The following CRTAC1 variants were observed in gnomAD, a reference collection of about 807,000 sequenced individuals.
CRTAC1 encodes cartilage acidic protein 1.
In CRTAC1, 37 loss-of-function variants were observed where a neutral mutation model predicts 67.8. The ratio of observed to expected loss-of-function variants is 0.55; its 90% confidence interval spans 0.42 to 0.72. The LOEUF is 0.72. Ranked by LOEUF, CRTAC1 falls within the 30% of genes least tolerant of loss-of-function variation. CRTAC1 has a pLI of 0.00. For missense variants in CRTAC1, 780 were observed against 931.6 expected (o/e 0.84, Z 2.12); for synonymous variants, 348 against 371.0 (o/e 0.94, Z 0.71).
intron 8 of CRTAC1, among the ~76,000 whole-genome samples, chr10:97,900,320 G>A (rs1467699975): frequency 6.6e-6 from 1 of 152,240 alleles, no homozygotes; most frequent in South Asian, 2.1e-4. Context: ...ATCTGTGGAA[G>A]AAGTGCCCTG....
intron 4 of CRTAC1, among the ~76,000 whole-genome samples, chr10:97,919,159 T>C (rs1250804634): frequency 6.6e-6 from 1 of 152,132 alleles, no homozygotes; most frequent in Non-Finnish European, 1.5e-5. Flanking sequence ...GTCTGACTGG[T>C]GGGTGAGGCC....
intron 3 of CRTAC1, among the ~76,000 whole-genome samples, chr10:97,933,323 C>T (rs894378): frequency 0.13 from 20,206 of 152,280 alleles, 1,464 homozygotes; most frequent in South Asian, 0.24. Context: ...CCCTGGAGGC[C>T]GGCTCCGGCC....
chr10:97,979,766 G>A (rs531216886), intron 2 of CRTAC1, among the ~76,000 whole-genome samples: 248 of 152,298 alleles, frequency 1.6e-3, no homozygotes, highest in Non-Finnish European at 2.7e-3. Flanking sequence ...ATGTCTCTGG[G>A]GTGGAGCTTG....
At chr10:97,902,154 G>T (rs948004864) in intron 7 of CRTAC1, among the ~76,000 whole-genome samples, 3 of 152,228 alleles carry the variant, frequency 2.0e-5, no homozygotes, top group African/African-American at 7.2e-5. Context: ...CTGACTAGCT[G>T]TGTGATCTTA....
chr10:97,982,709 C>T (rs1349260699), intron 2 of CRTAC1, among the ~76,000 whole-genome samples: 2 of 152,054 alleles, frequency 1.3e-5, no homozygotes, highest in Non-Finnish European at 2.9e-5. Context: ...AATATTAACC[C>T]CAGAAGCGCC....
In CRTAC1 at chr10:98,029,889, G is replaced by A. The variant is rs2136715592; in HGVS notation, c.24+560C>T. On this transcript the variant is annotated intron_variant, in intron 1 of 14. Coordinates refer to ENST00000370597, the MANE Select transcript of CRTAC1 (RefSeq NM_018058.7). The surrounding 1 kb of genome is among the most constrained non-coding windows in gnomAD (Gnocchi z 4.7). ...GCATAAGGCGGCTAGCAGCTACGCCGCGCGCGGGGCTGGCTCCCGGAGCTC... is the reference window on the plus strand; with the variant it reads ...GCATAAGGCGGCTAGCAGCTACGCCACGCGCGGGGCTGGCTCCCGGAGCTC... 6.6e-6 allele frequency among the ~76,000 whole-genome samples: 1 copy of A among 152,264 alleles called. No individual in the cohort carries two copies. The highest frequency in any genetic ancestry group is 6.5e-5 in the Admixed American group (1 of 15,310).
chr10:97,997,726 G>T (rs1206508609), intron 2 of CRTAC1, among the ~76,000 whole-genome samples: 1 of 152,102 alleles, frequency 6.6e-6, no homozygotes, highest in African/African-American at 2.4e-5. Flanking sequence ...GATTTGAAAA[G>T]AACCATATAA....
intron 8 of CRTAC1, among the ~76,000 whole-genome samples, chr10:97,899,685 T>C (rs1009553060): frequency 2.6e-5 from 4 of 152,236 alleles, no homozygotes; most frequent in Admixed American, 2.6e-4. Flanking sequence ...ATTGATGCTT[T>C]GTTAATAATT....
chr10:98,028,134 G>C (rs1469731538), intron 1 of CRTAC1, among the ~76,000 whole-genome samples: 1 of 152,112 alleles, frequency 6.6e-6, no homozygotes, highest in Non-Finnish European at 1.5e-5. Flanking sequence ...AGAGAGGGTG[G>C]GGCTGTGTAC....
chr10:97,877,068 AG>A, intron 14 of CRTAC1, among the ~76,000 whole-genome samples: 1 of 143,188 alleles, frequency 7.0e-6, no homozygotes, highest in Non-Finnish European at 1.5e-5. Context: ...TCTTGGGGGC[AG>A]GGGACTTGTC....
At chr10:98,028,563 AC>A (rs1275812060) in intron 1 of CRTAC1, among the ~76,000 whole-genome samples, 2 of 152,142 alleles carry the variant, frequency 1.3e-5, no homozygotes, top group Non-Finnish European at 2.9e-5. Context: ...TTACAGGGGC[AC>A]CCCTGCGCAG....
At chr10:97,968,248 T>C (rs1182062808) in intron 2 of CRTAC1, among the ~76,000 whole-genome samples, 1 of 152,138 alleles carries the variant, frequency 6.6e-6, no homozygotes. Flanking sequence ...ATTCTTTTTG[T>C]TTTTGTTTTT....
At chr10:97,927,572 C>A (rs1438053488) in intron 3 of CRTAC1, among the ~76,000 whole-genome samples, 2 of 152,322 alleles carry the variant, frequency 1.3e-5, no homozygotes, top group African/African-American at 4.8e-5. Context: ...GGCGCCTGTG[C>A]TGTTGGCCTC....
intron 1 of CRTAC1, among the ~76,000 whole-genome samples, chr10:98,023,224 A>C (rs1307192315): frequency 6.6e-6 from 1 of 152,276 alleles, no homozygotes; most frequent in East Asian, 1.9e-4. Context: ...CCACCATCTC[A>C]TGGAGTGGGC....
rs775252392 is a variant in CRTAC1 at position 97,865,640 on chromosome 10, CGGCAGCAGCAGCGGCAGT to C, written c.1876_1893del (p.Thr626_Ala631del). Reference sequence around the variant, plus strand: ...GGTGCAGCAGTGGCAGCTCCAGCAGCGGCAGCAGCAGCGGCAGTGGCAGCAGCAGCGGTGGGGGTGGTG... The same window carrying C: ...GGTGCAGCAGTGGCAGCTCCAGCAGCGGCAGCAGCAGCGGTGGGGGTGGTG... On this transcript the variant is annotated inframe_deletion, in exon 15 of 15. Coordinates refer to ENST00000370597, the MANE Select transcript of CRTAC1 (RefSeq NM_018058.7). 31 of 1,612,328 alleles carry C rather than the reference CGGCAGCAGCAGCGGCAGT, an allele frequency of 1.9e-5. No homozygotes were observed. The highest frequency in any genetic ancestry group is 9.9e-5 in the South Asian group (9 of 90,874).
intron 7 of CRTAC1, among the ~76,000 whole-genome samples, chr10:97,902,442 G>A (rs2050554527): frequency 6.6e-6 from 1 of 152,126 alleles, no homozygotes; most frequent in Non-Finnish European, 1.5e-5. Flanking sequence ...GGGGGTTGCG[G>A]TATCAGCTAC....
At chr10:97,994,691 G>A (rs1842522401) in intron 2 of CRTAC1, among the ~76,000 whole-genome samples, 1 of 152,186 alleles carries the variant, frequency 6.6e-6, no homozygotes, top group African/African-American at 2.4e-5. Flanking sequence ...ACAGCAAAGG[G>A]AGAACTTTCC....
At chr10:97,930,141 C>T (rs1189816751) in intron 3 of CRTAC1, among the ~76,000 whole-genome samples, 1 of 152,224 alleles carries the variant, frequency 6.6e-6, no homozygotes, top group Admixed American at 6.5e-5. Flanking sequence ...AACAGGGGCT[C>T]AGAGGCTTAG....
chr10:98,006,415 C>A (rs1354141066), intron 2 of CRTAC1, among the ~76,000 whole-genome samples: 1 of 152,154 alleles, frequency 6.6e-6, no homozygotes, highest in Non-Finnish European at 1.5e-5. Context: ...CGGAGGCACT[C>A]GCCCAGATGT....
Sources: gnomAD v4.1 joint callset for allele counts (sites outside exome capture counted in the v4.1 genomes callset) on GRCh38, gnomAD v4.1.1 for gene constraint, Gnocchi (gnomAD v3.1) non-coding constraint, MANE v1.5 for transcripts, NCBI Gene and HGNC (gene_info 2026-07-23, HGNC 2026-07-21) for gene names.